The following TTC39C variants were observed in gnomAD, a reference collection of about 807,000 sequenced individuals.
TTC39C encodes tetratricopeptide repeat domain 39C.
In TTC39C, 33 loss-of-function variants were observed where a neutral mutation model predicts 76.3. That is an observed-to-expected ratio of 0.43 (90% CI 0.33 to 0.58). TTC39C has a LOEUF of 0.58. Among genes scored for constraint, TTC39C ranks in the 20% least tolerant of loss-of-function variants. The pLI is 0.04. For missense variants in TTC39C, 595 were observed against 701.4 expected (o/e 0.85, Z 1.71); for synonymous variants, 254 against 260.6 (o/e 0.97, Z 0.24).
chr18:24,019,007 C>G (rs980660220), intron 1 of TTC39C, among the ~76,000 whole-genome samples: 1 of 152,218 alleles, frequency 6.6e-6, no homozygotes, highest in Non-Finnish European at 1.5e-5. Flanking sequence ...GTGGCTGTCA[C>G]AGCCATAATT....
chr18:24,084,471 T>C (rs9946447), intron 6 of TTC39C, among the ~76,000 whole-genome samples: 114,667 of 151,768 alleles, frequency 0.76, 45,813 homozygotes, highest in Non-Finnish European at 0.89. Flanking sequence ...GGTGACAGAG[T>C]GAGACTCCAT....
intron 6 of TTC39C, among the ~76,000 whole-genome samples, chr18:24,092,765 A>G (rs1367777938): frequency 2.0e-5 from 3 of 152,182 alleles, no homozygotes; most frequent in Admixed American, 1.3e-4. Context: ...TAATGGATAC[A>G]TGGTACATAG....
In TTC39C at chr18:24,035,316, A is replaced by T. The variant is rs76095439; in HGVS notation, c.167+20278A>T. Among the ~76,000 whole-genome samples, 979 of 152,302 alleles carry T rather than the reference A, an allele frequency of 6.4e-3. 16 individuals carry two copies. The highest frequency in any genetic ancestry group is 0.022 in the African/African-American group (919 of 41,562). ...GCCTTCCAAAACACTGCGATTACAAATGTGAGCCACTGTGCCCAGCCCTAT... is the reference window on the plus strand; with the variant it reads ...GCCTTCCAAAACACTGCGATTACAATTGTGAGCCACTGTGCCCAGCCCTAT... On this transcript the variant is annotated intron_variant, in intron 1 of 13. Coordinates refer to ENST00000317571, the MANE Select transcript of TTC39C (RefSeq NM_001135993.2).
intron 1 of TTC39C, among the ~76,000 whole-genome samples, chr18:24,027,696 A>T (rs2083616029): frequency 6.6e-6 from 1 of 151,768 alleles, no homozygotes; most frequent in African/African-American, 2.4e-5. Flanking sequence ...AGTAGCTGGG[A>T]TTACGGGCCT....
At chr18:24,119,896 AT>A (rs1373893698) in intron 8 of TTC39C, among the ~76,000 whole-genome samples, 1 of 151,398 alleles carries the variant, frequency 6.6e-6, no homozygotes, top group Non-Finnish European at 1.5e-5. Flanking sequence ...ACAGCTATTT[AT>A]TTTTTCATCT....
chr18:24,003,397 A>C (rs573685501), intron 1 of TTC39C, among the ~76,000 whole-genome samples: 1 of 152,280 alleles, frequency 6.6e-6, no homozygotes, highest in South Asian at 2.1e-4. Context: ...CACCCACTAG[A>C]CTAGAAGATT....
At chr18:24,039,600 A>C (rs1212544219) in intron 1 of TTC39C, among the ~76,000 whole-genome samples, 2 of 152,122 alleles carry the variant, frequency 1.3e-5, no homozygotes, top group Non-Finnish European at 2.9e-5. Context: ...CCAAAGTGCT[A>C]GGATTACAGG....
chr18:24,005,372 A>T (rs989851551), intron 1 of TTC39C, among the ~76,000 whole-genome samples: 1 of 152,008 alleles, frequency 6.6e-6, no homozygotes, highest in African/African-American at 2.4e-5. Context: ...CTCTTCAAAG[A>T]TAAGATTTTT....
chr18:24,076,526 C>T (rs1035567978), intron 4 of TTC39C, among the ~76,000 whole-genome samples: 1 of 151,910 alleles, frequency 6.6e-6, no homozygotes, highest in Admixed American at 6.6e-5. Flanking sequence ...GTGCTGCATT[C>T]TCCCCCAGCC....
chr18:24,058,092 T>C (rs2084039956), intron 1 of TTC39C, among the ~76,000 whole-genome samples: 2 of 152,286 alleles, frequency 1.3e-5, no homozygotes, highest in South Asian at 4.1e-4. Context: ...TCCTCACTTA[T>C]AAGTGGGAGC....
At chr18:23,999,107 T>C (rs907491079) in intron 1 of TTC39C, among the ~76,000 whole-genome samples, 12 of 152,214 alleles carry the variant, frequency 7.9e-5, no homozygotes, top group Admixed American at 7.2e-4. Flanking sequence ...CCAGTTTATG[T>C]GTTTGAGCCT....
intron 6 of TTC39C, among the ~76,000 whole-genome samples, chr18:24,094,914 C>T (rs2084569717): frequency 6.6e-6 from 1 of 152,226 alleles, no homozygotes; most frequent in Non-Finnish European, 1.5e-5. Context: ...GAATTAGCCT[C>T]TTAGAAGAGA....
At chr18:24,035,710 TC>T (rs58135617) in intron 1 of TTC39C, among the ~76,000 whole-genome samples, 100,029 of 151,904 alleles carry the variant, frequency 0.66, 34,719 homozygotes, top group Non-Finnish European at 0.79. Flanking sequence ...TTCAGACATT[TC>T]CCCCCCCATT....
At chr18:24,052,709 G>A (rs1316694004) in intron 1 of TTC39C, among the ~76,000 whole-genome samples, 1 of 152,062 alleles carries the variant, frequency 6.6e-6, no homozygotes, top group Non-Finnish European at 1.5e-5. Flanking sequence ...CTAGTTATTT[G>A]GCTTGGAAGG....
chr18:24,113,864 A>C, intron 6 of TTC39C: 1 of 595,286 alleles, frequency 1.7e-6, no homozygotes, highest in Non-Finnish European at 3.0e-6. Context: ...TGGGTCCCAG[A>C]CAGTGTTATG....
intron 6 of TTC39C, among the ~76,000 whole-genome samples, chr18:24,087,376 C>T (rs1354619867): frequency 6.6e-6 from 1 of 152,102 alleles, no homozygotes; most frequent in Non-Finnish European, 1.5e-5. Flanking sequence ...TAACAATCTG[C>T]TTTGTATGTG....
At chr18:24,063,880 G>T (rs1431867765) in intron 1 of TTC39C, among the ~76,000 whole-genome samples, 1 of 152,120 alleles carries the variant, frequency 6.6e-6, no homozygotes, top group Non-Finnish European at 1.5e-5. Flanking sequence ...GTTTACTAAG[G>T]CAGTGTCTGT....
chr18:24,072,719 GTC>G (rs1403889956), intron 4 of TTC39C, among the ~76,000 whole-genome samples: 2 of 152,166 alleles, frequency 1.3e-5, no homozygotes, highest in African/African-American at 4.8e-5. Context: ...TTATCCAAGT[GTC>G]TTTTATTGCA....
chr18:24,118,657 T>A (rs1206679001), intron 8 of TTC39C, among the ~76,000 whole-genome samples: 1 of 103,206 alleles, frequency 9.7e-6, no homozygotes, highest in Non-Finnish European at 2.0e-5. Flanking sequence ...TGTGTTAATT[T>A]TTTTTTTTTT....
Sources: allele counts gnomAD v4.1 joint callset (sites outside exome capture counted in the v4.1 genomes callset), GRCh38; gene constraint gnomAD v4.1.1; transcripts MANE v1.5; gene names NCBI Gene and HGNC (gene_info 2026-07-23, HGNC 2026-07-21).